UBR1: variants seen among roughly 807,000 people sequenced by gnomAD.
UBR1 encodes E3 ubiquitin-protein ligase UBR1.
UBR1 carries 102 observed loss-of-function variants against 242.1 expected under a neutral mutation model. The observed-to-expected ratio is 0.42, with a 90% CI of 0.36 to 0.50. The LOEUF is 0.50. UBR1 is among the 20% of genes least tolerant of loss of function. UBR1 has a pLI of 0.01. For missense variants in UBR1, 1,772 were observed against 2,101.8 expected (o/e 0.84, Z 3.07); for synonymous variants, 675 against 684.8 (o/e 0.99, Z 0.22).
At chr15:43,072,687 G>A (rs1282925306) in intron 4 of UBR1, among the ~76,000 whole-genome samples, 1 of 152,194 alleles carries the variant, frequency 6.6e-6, no homozygotes, top group African/African-American at 2.4e-5. Context: ...TTATCAGGTT[G>A]AGGAAGTTCC....
intron 34 of UBR1, among the ~76,000 whole-genome samples, chr15:42,989,434 A>G (rs1193947476): frequency 6.6e-6 from 1 of 152,228 alleles, no homozygotes; most frequent in African/African-American, 2.4e-5. Flanking sequence ...ACCTGGAGTG[A>G]TAATTTCCAG....
At chr15:43,014,962 A>C (rs12902127) in intron 29 of UBR1, among the ~76,000 whole-genome samples, 10 of 146,672 alleles carry the variant, frequency 6.8e-5, no homozygotes, top group Non-Finnish European at 9.1e-5. Context: ...CTGCCCTGTC[A>C]GGGAGGGAGG....
intron 25 of UBR1, 103 bp downstream of exon 25, chr15:43,024,726 G>T: frequency 6.6e-7 from 1 of 1,513,464 alleles, no homozygotes; most frequent in Non-Finnish European, 9.2e-7. Context: ...CTATGTTTCC[G>T]GTGCTCTAGA....
In UBR1 at chr15:42,994,947, T is replaced by C. The variant is rs78834648; in HGVS notation, c.3757+3221A>G. Among the ~76,000 whole-genome samples the C allele has an allele frequency of 7.9e-4, 120 of 152,360 alleles. No individual in the cohort carries two copies. The East Asian group carries it at 0.02, about 25-fold the overall frequency. On this transcript the variant is annotated intron_variant, in intron 33 of 46. Coordinates refer to ENST00000290650, the MANE Select transcript of UBR1 (RefSeq NM_174916.3). ...TAGTCACTTGCTCAAAAATTTTTAA[T>C]CATTCCATGATTTCTTTTTTAAAGT...
rs770723596 is a variant in UBR1, at chr15:42,988,970, A to G, written c.3849-3T>C. 1 of 1,595,226 alleles carries G rather than the reference A, an allele frequency of 6.3e-7. No individual in the cohort carries two copies. Among genetic ancestry groups the G allele is most frequent in the South Asian group, 1.1e-5 (1 of 90,554 alleles). On this transcript the variant is annotated splice_region_variant and splice_polypyrimidine_tract_variant and intron_variant, in intron 34 of 46. Transcript: ENST00000290650. Reference sequence around the variant, plus strand: ...TGATGCTATTTGAATATTTAATCCTATAAATAAAACAAGAAAATTTGTATG... The same window carrying G: ...TGATGCTATTTGAATATTTAATCCTGTAAATAAAACAAGAAAATTTGTATG...
In UBR1 at chr15:42,944,938, C is replaced by A. The variant is rs2031707613; in HGVS notation, c.*391G>T. 1 of 242,662 alleles carries A rather than the reference C, an allele frequency of 4.1e-6. No individual in the cohort carries two copies. Among genetic ancestry groups the A allele is most frequent in the East Asian group, 1.1e-4 (1 of 9,224 alleles). 15.0% of individuals were successfully genotyped at this position (242,662 alleles called of 1,614,324 possible). A position where few individuals can be genotyped will look rare whatever the true frequency, so the allele number is the denominator to read the frequency against. On this transcript the variant is annotated 3_prime_UTR_variant, in exon 47 of 47. Transcript: ENST00000290650. ...GATTATTAGAATTTTGTCAGTGATC[C>A]AATGTCAGTTGAACTAAACTTGGGG... is the stretch of plus-strand genomic sequence containing the variant.
chr15:43,039,492 T>C (rs2033388021), intron 15 of UBR1, among the ~76,000 whole-genome samples: 1 of 152,188 alleles, frequency 6.6e-6, no homozygotes, highest in Admixed American at 6.5e-5. Context: ...CTGTTATTGG[T>C]GTATAAGAAT....
At chr15:42,977,778 C>A in intron 38 of UBR1, 102 bp downstream of exon 38, 13 of 989,876 alleles carry the variant, frequency 1.3e-5, no homozygotes, top group Non-Finnish European at 1.7e-5. Context: ...ATAGATTAAA[C>A]ACAAAGAATT....
intron 44 of UBR1, among the ~76,000 whole-genome samples, chr15:42,952,931 T>C (rs2031859030): frequency 6.6e-6 from 1 of 151,930 alleles, no homozygotes; most frequent in Admixed American, 6.6e-5. Flanking sequence ...TCTTTTCTTT[T>C]CTTTTTTTTT....
chr15:42,966,086 T>A, intron 41 of UBR1, 67 bp downstream of exon 41: 1 of 1,608,426 alleles, frequency 6.2e-7, no homozygotes, highest in Non-Finnish European at 8.5e-7. Flanking sequence ...CTTGTATTCA[T>A]GAGCTTGAAG....
At position 43,025,381 on chromosome 15, in the gene UBR1, C is replaced by T; in HGVS notation, c.2584G>A (p.Ala862Thr). Residue 862 changes from alanine (A) to threonine (T), a missense_variant and splice_region_variant, in exon 24 of 47, where the codon GCA becomes ACA. Ala to Thr is a moderately conservative substitution (Grantham distance 58). This residue lies in a region of UBR1 where 965 missense variants were observed against 1,079.7 expected (regional missense o/e 0.89). Coordinates refer to ENST00000290650, the MANE Select transcript of UBR1 (RefSeq NM_174916.3). ...KRRKQENKDE[A>T]LPPPPPPEFC... ...GTCAATTCAGAATCTCACTTTTTAC[C>T]TTCATCTTTGTTTTCTTGTTTTCTC... 2 of 1,608,522 alleles carry T rather than the reference C, an allele frequency of 1.2e-6. No homozygotes were observed. The highest frequency in any genetic ancestry group is 1.7e-6 in the Non-Finnish European group (2 of 1,176,922).
In UBR1 at chr15:43,054,941, T is replaced by C. The variant is rs2035169; in HGVS notation, c.1282-42A>G. On this transcript the variant is annotated intron_variant, in intron 11 of 46. Coordinates refer to ENST00000290650, the MANE Select transcript of UBR1 (RefSeq NM_174916.3). ...GAATATTTTCTTTAGCATTAACTCA[T>C]TGTGGTATGGACTTAATTTATTCAT... 61,720 of 1,605,042 alleles carry C rather than the reference T, an allele frequency of 0.038. 1,639 individuals carry two copies. Among genetic ancestry groups the C allele is most frequent in the East Asian group, 0.084 (3,767 of 44,766 alleles).
chr15:43,030,018 T>C lies in UBR1; in HGVS notation c.2305A>G (p.Met769Val), dbSNP rs1276984540. ...CAAAGCAAGTGAATGATTTCTCTCA[T>C]TGTGACCTCTTCTTTGGTCACATTT... ...VGNVTKEEVT[M>V]REIIHLLCIE... Residue 769 changes from methionine (M) to valine (V), a missense_variant, in exon 21 of 47, where the codon ATG becomes GTG. Met to Val is a conservative substitution (Grantham distance 21, BLOSUM62 1). Coordinates refer to ENST00000290650, the MANE Select transcript of UBR1 (RefSeq NM_174916.3). The C allele has an allele frequency of 1.2e-6, 2 of 1,614,104 alleles. No individual in the cohort carries two copies. The highest frequency in any genetic ancestry group is 1.1e-5 in the South Asian group (1 of 91,076).
intron 12 of UBR1, 74 bp from the exon 13 acceptor site, chr15:43,048,565 A>C (rs1242297238): frequency 3.4e-6 from 4 of 1,166,458 alleles, no homozygotes; most frequent in Non-Finnish European, 5.0e-6. Flanking sequence ...AGGGTTATAG[A>C]CAATGTTGAT....
In UBR1 at chr15:43,038,225, A is replaced by G; in HGVS notation, c.1857T>C (p.His619=). Reference sequence around the variant, plus strand: ...CAGCACCCAGCCTGCTTAAACGTACATGAAGACCTAAAGTTAAAAAAACGA... The same window carrying G: ...CAGCACCCAGCCTGCTTAAACGTACGTGAAGACCTAAAGTTAAAAAAACGA... ...LPLSRTLAGL[H]VRLSRLGAVS... The change falls in exon 16 of 47, where the codon CAT becomes CAC. Residue 619 remains histidine (H), a synonymous_variant. Coordinates refer to ENST00000290650, the MANE Select transcript of UBR1 (RefSeq NM_174916.3). 1 of 1,614,106 alleles carries G rather than the reference A, an allele frequency of 6.2e-7. No homozygotes were observed. Among genetic ancestry groups the G allele is most frequent in the Non-Finnish European group, 8.5e-7 (1 of 1,179,974 alleles).
At chr15:43,069,901 T>C (rs1408697269) in intron 5 of UBR1, among the ~76,000 whole-genome samples, 1 of 152,208 alleles carries the variant, frequency 6.6e-6, no homozygotes, top group African/African-American at 2.4e-5. Flanking sequence ...CTGTTGGAAA[T>C]TAACATATTT....
At chr15:43,079,776 C>T (rs890595678) in intron 3 of UBR1, among the ~76,000 whole-genome samples, 7 of 150,824 alleles carry the variant, frequency 4.6e-5, no homozygotes, top group East Asian at 2.0e-4. Flanking sequence ...AGCGAGACTC[C>T]GTCTCAAAAA....
intron 40 of UBR1, among the ~76,000 whole-genome samples, chr15:42,969,563 TTGG>T (rs1443226538): frequency 1.3e-5 from 2 of 152,212 alleles, no homozygotes; most frequent in East Asian, 3.8e-4. Flanking sequence ...GCAATTGCTT[TTGG>T]TGTTTTAGTC....
At chr15:43,019,595 T>C (rs1259810268) in intron 27 of UBR1, among the ~76,000 whole-genome samples, 1 of 150,042 alleles carries the variant, frequency 6.7e-6, no homozygotes, top group Non-Finnish European at 1.5e-5. Flanking sequence ...TTTTTTTTTT[T>C]TTTTTGAGAC....
Sources: gnomAD v4.1 joint callset for allele counts (sites outside exome capture counted in the v4.1 genomes callset) on GRCh38, gnomAD v4.1.1 for gene constraint, gnomAD v4.1.1 regional missense constraint, MANE v1.5 for transcripts, NCBI Gene and HGNC (gene_info 2026-07-23, HGNC 2026-07-21) for gene names.